Variants in PLCG2 observed in about 807,000 individuals in gnomAD.
PLCG2 encodes 1-phosphatidylinositol 4,5-bisphosphate phosphodiesterase gamma-2.
PLCG2 carries 69 observed loss-of-function variants against 175.6 expected under a neutral mutation model. The observed-to-expected ratio is 0.39, with a 90% CI of 0.32 to 0.48. The LOEUF (loss-of-function observed/expected upper bound fraction) is 0.48. PLCG2 is among the 20% of genes least tolerant of loss of function. The pLI is 0.91. For synonymous variants in PLCG2, 827 were observed against 624.0 expected (o/e 1.33, Z -4.85); for missense variants, 1,798 against 1,650.9 (o/e 1.09, Z -1.54).
At chr16:81,766,580 A>G (rs570937333) in intron 2 of PLCG2, 1 of 152,694 alleles carries the variant, frequency 6.5e-6, no homozygotes, top group African/African-American at 2.4e-5. Context: ...CTCCCCCATT[A>G]TATTCATCTG....
At chr16:81,887,183 G>A (rs1908411816) in intron 9 of PLCG2, among the ~76,000 whole-genome samples, 1 of 151,236 alleles carries the variant, frequency 6.6e-6, no homozygotes, top group Non-Finnish European at 1.5e-5. Flanking sequence ...ACAGTGGCGC[G>A]ATCTCTGCTC....
Position 81,811,046 on chromosome 16 carries a change from C to G in PLCG2, c.193+24864C>G, listed in dbSNP as rs528155396. ...CTTTGTGGTCTAAGGCCACATTTAACCTGTGTACCAGAGGGACATGAGTGT... is the reference window on the plus strand; with the variant it reads ...CTTTGTGGTCTAAGGCCACATTTAAGCTGTGTACCAGAGGGACATGAGTGT... On this transcript the variant is annotated intron_variant, in intron 2 of 32. Coordinates refer to ENST00000564138, the MANE Select transcript of PLCG2 (RefSeq NM_002661.5). Among the ~76,000 whole-genome samples the G allele has an allele frequency of 4.6e-5, 7 of 152,298 alleles. No individual in the cohort carries two copies. In the South Asian group the frequency reaches 1.5e-3, roughly 32 times the overall value.
chr16:81,771,328 A>G (rs1910276422), intron 2 of PLCG2, among the ~76,000 whole-genome samples: 1 of 152,184 alleles, frequency 6.6e-6, no homozygotes, highest in South Asian at 2.1e-4. Context: ...CCTGTGCTCA[A>G]GGGATCCTCC....
chr16:81,922,400 A>G (rs1162497178), intron 21 of PLCG2, among the ~76,000 whole-genome samples: 1 of 152,200 alleles, frequency 6.6e-6, no homozygotes, highest in East Asian at 1.9e-4. Flanking sequence ...ATGGTTGCTT[A>G]AGGATTAAAG....
intron 2 of PLCG2, among the ~76,000 whole-genome samples, chr16:81,813,975 C>G (rs1401315052): frequency 6.6e-6 from 1 of 152,202 alleles, no homozygotes; most frequent in Non-Finnish European, 1.5e-5. Flanking sequence ...CGTGAATCCA[C>G]CAGAGATGGA....
At chr16:81,770,098 C>G (rs1036507672) in intron 2 of PLCG2, among the ~76,000 whole-genome samples, 1 of 152,134 alleles carries the variant, frequency 6.6e-6, no homozygotes, top group Non-Finnish European at 1.5e-5. Flanking sequence ...CCACCCCCTT[C>G]GCTAACTGCC....
At chr16:81,768,548 C>T (rs1910201779) in intron 2 of PLCG2, among the ~76,000 whole-genome samples, 1 of 129,298 alleles carries the variant, frequency 7.7e-6, no homozygotes, top group Non-Finnish European at 1.6e-5. Flanking sequence ...CGGTGTTATC[C>T]TCAGTTTTTT....
chr16:81,940,560 TAC>T (rs903426211), intron 30 of PLCG2, among the ~76,000 whole-genome samples: 4 of 152,208 alleles, frequency 2.6e-5, no homozygotes, highest in Admixed American at 6.5e-5. Context: ...TTTGAGTTGT[TAC>T]AGTTTTCTTC....
chr16:81,942,173 C>G (rs988843996), intron 30 of PLCG2, among the ~76,000 whole-genome samples: 1 of 152,200 alleles, frequency 6.6e-6, no homozygotes, highest in African/African-American at 2.4e-5. Context: ...TTGGTTACCC[C>G]GACGTCCTCT....
At chr16:81,910,374 A>G in intron 17 of PLCG2, 146 bp from the exon 18 acceptor site, 1 of 702,048 alleles carries the variant, frequency 1.4e-6, no homozygotes, top group Non-Finnish European at 2.5e-6. Flanking sequence ...TACAGGCATG[A>G]GCCACTGCGC....
At chr16:81,750,515 C>G (rs888867389) in intron 1 of PLCG2, among the ~76,000 whole-genome samples, 2 of 151,780 alleles carry the variant, frequency 1.3e-5, no homozygotes, top group Non-Finnish European at 2.9e-5. Context: ...GATGTCTGCA[C>G]TGTCAGGTTC....
chr16:81,958,002 C>G lies in PLCG2; in HGVS notation c.*4C>G, dbSNP rs1345238979. Reference sequence around the variant, plus strand: ...CAACAGCAAGTTTTACTCATAGAAGCTGGGGTATGTGTGTAAGGGTATTGT... The same window carrying G: ...CAACAGCAAGTTTTACTCATAGAAGGTGGGGTATGTGTGTAAGGGTATTGT... On this transcript the variant is annotated 3_prime_UTR_variant, in exon 33 of 33. Transcript: ENST00000564138. 1.6e-5 allele frequency: 25 copies of G among 1,606,740 alleles called. No homozygotes were observed. In the Middle Eastern group the frequency reaches 4.9e-4, roughly 32 times the overall value.
At chr16:81,898,102 C>G (rs565889548) in intron 13 of PLCG2, 6 of 283,786 alleles carry the variant, frequency 2.1e-5, no homozygotes, top group African/African-American at 4.6e-5. Flanking sequence ...TGAGAGTTTG[C>G]TTTCATTTGC....
intron 2 of PLCG2, among the ~76,000 whole-genome samples, chr16:81,808,535 C>T (rs1032976926): frequency 6.6e-6 from 1 of 151,960 alleles, no homozygotes. Flanking sequence ...CCTCTGTCGC[C>T]CAGGCTGGAG....
At chr16:81,809,923 A>C (rs1904303012) in intron 2 of PLCG2, among the ~76,000 whole-genome samples, 1 of 152,040 alleles carries the variant, frequency 6.6e-6, no homozygotes, top group Non-Finnish European at 1.5e-5. Flanking sequence ...ACAGCATCCA[A>C]GATGCAATGC....
intron 31 of PLCG2, among the ~76,000 whole-genome samples, chr16:81,949,036 A>T (rs934691086): frequency 6.6e-6 from 1 of 152,222 alleles, no homozygotes; most frequent in African/African-American, 2.4e-5. Context: ...GTTGCATTAA[A>T]AAATTCAGTA....
At chr16:81,742,329 C>T (rs938445667) in intron 1 of PLCG2, among the ~76,000 whole-genome samples, 1 of 152,160 alleles carries the variant, frequency 6.6e-6, no homozygotes, top group African/African-American at 2.4e-5. Context: ...AAGGGCCTGA[C>T]TGGGATGAGA....
At chr16:81,930,702 C>G (rs1483994247) in intron 24 of PLCG2, among the ~76,000 whole-genome samples, 2 of 149,158 alleles carry the variant, frequency 1.3e-5, no homozygotes, top group African/African-American at 5.0e-5. Context: ...GAGCCAAGAT[C>G]GCACCACTGC....
At chr16:81,914,385 C>T (rs940732154) in intron 19 of PLCG2, among the ~76,000 whole-genome samples, 3 of 152,164 alleles carry the variant, frequency 2.0e-5, no homozygotes, top group African/African-American at 7.2e-5. Flanking sequence ...AGGATGGCCC[C>T]CTCCCTGAGC....
Sources: allele counts gnomAD v4.1 joint callset (sites outside exome capture counted in the v4.1 genomes callset), GRCh38; gene constraint gnomAD v4.1.1; transcripts MANE v1.5; gene names NCBI Gene and HGNC (gene_info 2026-07-23, HGNC 2026-07-21).